Variants in STARD13 observed in about 807,000 individuals in gnomAD.
STARD13 encodes the protein stAR-related lipid transfer protein 13.
STARD13 carries 62 observed loss-of-function variants against 106.4 expected under a neutral mutation model. The ratio of observed to expected loss-of-function variants is 0.58; its 90% CI spans 0.48 to 0.72. The LOEUF (loss-of-function observed/expected upper bound fraction) is 0.72, where lower values mean the gene tolerates loss of function less well. STARD13 is among the 30% of genes least tolerant of loss of function. STARD13 has a pLI of 0.00. For synonymous variants in STARD13, 565 were observed against 553.0 expected, an observed-to-expected ratio of 1.02 and a Z score of -0.31; for missense variants, 1,387 against 1,424.0, an observed-to-expected ratio of 0.97 and a Z score of 0.42.
intron 1 of STARD13, among the ~76,000 whole-genome samples, chr13:33,273,197 A>C (rs1241859407): frequency 6.6e-6 from 1 of 152,202 alleles, no homozygotes; most frequent in East Asian, 1.9e-4. Flanking sequence ...AGAGATTCCT[A>C]ATACAAGACT....
intron 1 of STARD13, chr13:33,336,811 A>C (rs2077902395): frequency 6.6e-6 from 1 of 151,822 alleles, no homozygotes; most frequent in Non-Finnish European, 1.5e-5. Flanking sequence ...AACTACTCAA[A>C]TATATTATTG....
intron 1 of STARD13, among the ~76,000 whole-genome samples, chr13:33,196,874 T>C (rs1055844346): frequency 3.3e-5 from 5 of 152,230 alleles, no homozygotes; most frequent in Non-Finnish European, 7.3e-5. Flanking sequence ...ACTGAACTAG[T>C]GTAAAATTGT....
chr13:33,264,041 G>T (rs767921618), intron 1 of STARD13, among the ~76,000 whole-genome samples: 1 of 152,176 alleles, frequency 6.6e-6, no homozygotes. Flanking sequence ...GGGGAAGAAG[G>T]AAGCCTGGGC....
At chr13:33,268,067 G>C (rs1005624553) in intron 1 of STARD13, among the ~76,000 whole-genome samples, 1 of 152,210 alleles carries the variant, frequency 6.6e-6, no homozygotes, top group Non-Finnish European at 1.5e-5. Context: ...GGTTAGACAC[G>C]CTTCTGTCAA....
chr13:33,276,064 C>T lies in STARD13; in HGVS notation c.169+9406G>A, dbSNP rs1014542487. 2.0e-5 allele frequency: 3 copies of T among 152,272 alleles called. No individual in the cohort carries two copies. The East Asian group carries it at 5.8e-4, about 29-fold the overall frequency. The allele number at this position is 152,272 out of a possible 1,614,324, so 9.4% of individuals were successfully genotyped here. On this transcript the variant is annotated intron_variant, in intron 1 of 13. Coordinates refer to ENST00000336934, the MANE Select transcript of STARD13 (RefSeq NM_178006.4). ...CCCTTCTTCTTGCCAAGATTTTTTCCTCCTTCTTCTAGGAAGTCAGTGATA... is the reference window on the plus strand; with the variant it reads ...CCCTTCTTCTTGCCAAGATTTTTTCTTCCTTCTTCTAGGAAGTCAGTGATA...
At chr13:33,221,394 G>A (rs897431536) in intron 1 of STARD13, among the ~76,000 whole-genome samples, 2 of 152,082 alleles carry the variant, frequency 1.3e-5, no homozygotes, top group African/African-American at 4.8e-5. Context: ...GTTGTAGCAC[G>A]GTAAACATTT....
chr13:33,455,308 A>G, the STARD13 span, among the ~76,000 whole-genome samples: 1,915 of 152,282 alleles, frequency 0.013, 37 homozygotes, highest in African/African-American at 0.044. Flanking sequence ...TTGACCAGGA[A>G]AACCAGTACT....
the STARD13 span, among the ~76,000 whole-genome samples, chr13:33,663,822 C>G: frequency 1.3e-5 from 2 of 152,168 alleles, no homozygotes; most frequent in African/African-American, 4.8e-5. Flanking sequence ...TAGAGCTTCT[C>G]CAACAGGAAA....
At chr13:33,156,266 C>T (rs972304009) in intron 3 of STARD13, among the ~76,000 whole-genome samples, 2 of 152,172 alleles carry the variant, frequency 1.3e-5, no homozygotes, top group South Asian at 2.1e-4. Flanking sequence ...TCATCTAGTT[C>T]GTGAGCCCTG....
At position 33,321,639 on chromosome 13, in the gene STARD13, T is replaced by C. The variant is rs939875810; in HGVS notation, c.124+28651A>G. Among the ~76,000 whole-genome samples the C allele has an allele frequency of 2.0e-5, 3 of 152,220 alleles. No homozygotes were observed. The East Asian group carries it at 5.8e-4, about 29-fold the overall frequency. On this transcript the variant is annotated intron_variant, in intron 1 of 5. Transcript: ENST00000567873. ...ATGATTATTAACTCCATTTTATAGA[T>C]GAGAAAACTGAGGTCGAGTGGTGAA...
Position 33,130,427 on chromosome 13 carries a change from G to A in STARD13, c.388-138C>T, listed in dbSNP as rs983663066. The A allele has an allele frequency of 1.9e-5, 14 of 752,606 alleles. No homozygotes were observed. Among genetic ancestry groups the A allele is most frequent in the African/African-American group, 1.4e-4 (8 of 56,894 alleles). 46.6% of individuals were successfully genotyped at this position (752,606 alleles called of 1,614,324 possible). On this transcript the variant is annotated intron_variant, in intron 4 of 13. Coordinates refer to ENST00000336934, the MANE Select transcript of STARD13 (RefSeq NM_178006.4). This position sits in a 1 kb window ranked among gnomAD's most constrained non-coding sequence, Gnocchi z 4.1. ...CCATGCACAGGTGTGAGCTTCTTGG[G>A]CACCTCTAAGCTGTCCTTCTACCAC...
intron 3 of STARD13, among the ~76,000 whole-genome samples, chr13:33,144,483 C>T (rs898037930): frequency 2.0e-5 from 3 of 152,228 alleles, no homozygotes; most frequent in Non-Finnish European, 4.4e-5. Context: ...TACACTGAAA[C>T]CAGTTCTATT....
At chr13:33,154,794 G>C (rs2032505) in intron 3 of STARD13, among the ~76,000 whole-genome samples, 24,143 of 152,086 alleles carry the variant, frequency 0.16, 2,685 homozygotes, top group African/African-American at 0.31. Context: ...GTGAGAACTG[G>C]TCCAGCTTCA....
chr13:33,139,600 A>T (rs1468416502), intron 4 of STARD13, among the ~76,000 whole-genome samples: 1 of 152,210 alleles, frequency 6.6e-6, no homozygotes, highest in African/African-American at 2.4e-5. Context: ...ATGGCTTAAC[A>T]TGGGGACTTA....
At chr13:33,550,764 A>G in the STARD13 span, among the ~76,000 whole-genome samples, 1 of 152,168 alleles carries the variant, frequency 6.6e-6, no homozygotes, top group African/African-American at 2.4e-5. Flanking sequence ...CATTCTTTCA[A>G]TACATATTCA....
the STARD13 span, among the ~76,000 whole-genome samples, chr13:33,525,890 T>G: frequency 6.6e-6 from 1 of 152,182 alleles, no homozygotes; most frequent in Admixed American, 6.5e-5. Context: ...CCTAAGTTCC[T>G]CAAATCTTAA....
At chr13:33,478,803 C>A in the STARD13 span, among the ~76,000 whole-genome samples, 1 of 152,080 alleles carries the variant, frequency 6.6e-6, no homozygotes, top group South Asian at 2.1e-4. Context: ...GTAGTCCCAG[C>A]TATTCATGAG....
chr13:33,125,704 CA>C (rs1426076860), intron 7 of STARD13, among the ~76,000 whole-genome samples: 1 of 151,542 alleles, frequency 6.6e-6, no homozygotes, highest in African/African-American at 2.4e-5. Context: ...AATTCTTTTT[CA>C]AAAATAATAG....
chr13:33,524,375 G>T, the STARD13 span: 1 of 795,372 alleles, frequency 1.3e-6, no homozygotes. Context: ...ATAGAATCCT[G>T]TAAAAAAATT....
Sources: gnomAD v4.1 joint callset for allele counts (sites outside exome capture counted in the v4.1 genomes callset) on GRCh38, gnomAD v4.1.1 for gene constraint, Gnocchi (gnomAD v3.1) non-coding constraint, MANE v1.5 for transcripts, NCBI Gene and HGNC (gene_info 2026-07-23, HGNC 2026-07-21) for gene names.